The following RICTOR variants were observed in gnomAD, a reference collection of about 807,000 sequenced individuals.
RICTOR encodes the protein rapamycin-insensitive companion of mTOR.
A neutral mutation model predicts 214.9 loss-of-function variants in RICTOR; 49 were observed. The ratio of observed to expected loss-of-function variants is 0.23; its 90% CI spans 0.18 to 0.29. The LOEUF (loss-of-function observed/expected upper bound fraction) is 0.29. Ranked by LOEUF, RICTOR falls within the 10% of genes least tolerant of loss-of-function variation. RICTOR has a pLI of 1.00. For missense variants in RICTOR, 1,625 were observed against 2,047.0 expected (o/e 0.79, Z 3.98); for synonymous variants, 717 against 711.3 (o/e 1.01, Z -0.13).
intron 10 of RICTOR, among the ~76,000 whole-genome samples, chr5:38,972,633 T>G (rs1750878176): frequency 6.6e-6 from 1 of 152,050 alleles, no homozygotes; most frequent in Admixed American, 6.5e-5. Context: ...GCAGAACAAC[T>G]GGGAGTCACA....
At chr5:39,038,670 C>T (rs1252419333) in intron 2 of RICTOR, among the ~76,000 whole-genome samples, 1 of 152,160 alleles carries the variant, frequency 6.6e-6, no homozygotes, top group Non-Finnish European at 1.5e-5. Context: ...TTCTTATACA[C>T]CAATAACAGA....
rs79614495 is a variant in RICTOR, at chr5:39,043,018, T to C, written c.98-21882A>G. On this transcript the variant is annotated intron_variant, in intron 2 of 37. Transcript: ENST00000357387. The stretch of plus-strand genomic sequence containing the variant: ...GGAATTCATATACTGTTGGTGAGAA[T>C]GTATATTAGTAAGTACAGCCATTAT... Among the ~76,000 whole-genome samples, 875 of 152,244 alleles carry C rather than the reference T, an allele frequency of 5.7e-3. 14 individuals carry two copies. Among genetic ancestry groups the C allele is most frequent in the African/African-American group, 0.018 (767 of 41,534 alleles).
intron 19 of RICTOR, 72 bp downstream of exon 19, chr5:38,962,243 T>G: frequency 3.2e-6 from 2 of 615,418 alleles, no homozygotes; most frequent in Non-Finnish European, 5.6e-6. Flanking sequence ...TTATTACATA[T>G]TTTAGCAGGT....
chr5:38,948,956 T>C (rs1431327646), intron 31 of RICTOR, among the ~76,000 whole-genome samples: 1 of 152,070 alleles, frequency 6.6e-6, no homozygotes. Context: ...GTGCTTAATA[T>C]GTGCTAAAGT....
At chr5:38,962,412 C>T (rs1749871141) in intron 18 of RICTOR, 51 bp from the exon 19 acceptor site, 12 of 1,163,248 alleles carry the variant, frequency 1.0e-5, no homozygotes, top group Non-Finnish European at 1.5e-5. Context: ...AATTCTCACA[C>T]ATATAAGATA....
intron 2 of RICTOR, among the ~76,000 whole-genome samples, chr5:39,050,970 T>C (rs1757795538): frequency 6.6e-6 from 1 of 152,044 alleles, no homozygotes; most frequent in Non-Finnish European, 1.5e-5. Context: ...TCAATAGCAA[T>C]TCCTATATAT....
At chr5:38,952,510 C>A (rs1196339799) in intron 29 of RICTOR, 85 bp from the exon 30 acceptor site, 2 of 884,058 alleles carry the variant, frequency 2.3e-6, no homozygotes, top group Non-Finnish European at 3.4e-6. Context: ...GCTATACATA[C>A]TTTGAACTTT....
At chr5:39,061,382 C>T (rs1292360325) in intron 2 of RICTOR, among the ~76,000 whole-genome samples, 1 of 152,042 alleles carries the variant, frequency 6.6e-6, no homozygotes, top group Non-Finnish European at 1.5e-5. Flanking sequence ...CTGTGAATAA[C>T]CTACCCATGA....
chr5:38,958,969 CT>C, intron 22 of RICTOR, 138 bp from the exon 23 acceptor site: 2 of 702,074 alleles, frequency 2.8e-6, no homozygotes, highest in Non-Finnish European at 2.2e-6. Flanking sequence ...GATATGAATA[CT>C]TTTTTGGTTC....
chr5:38,944,159 T>G, intron 36 of RICTOR: 2 of 490,318 alleles, frequency 4.1e-6, no homozygotes, highest in South Asian at 3.3e-5. Context: ...TTTCCAAAAG[T>G]AAAAAAGTGA....
At chr5:39,011,330 G>T (rs946309978) in intron 3 of RICTOR, among the ~76,000 whole-genome samples, 1 of 152,220 alleles carries the variant, frequency 6.6e-6, no homozygotes, top group African/African-American at 2.4e-5. Context: ...GTATGAAAAT[G>T]CTTGCATGTC....
intron 6 of RICTOR, among the ~76,000 whole-genome samples, chr5:38,993,633 G>A (rs1169126746): frequency 6.6e-6 from 1 of 151,752 alleles, no homozygotes; most frequent in Non-Finnish European, 1.5e-5. Context: ...AAATATAATA[G>A]ACATACTTTT....
At chr5:38,992,152 C>T (rs1401300635) in intron 6 of RICTOR, among the ~76,000 whole-genome samples, 2 of 152,078 alleles carry the variant, frequency 1.3e-5, no homozygotes, top group Admixed American at 6.6e-5. Context: ...TTACAGAATA[C>T]AGTTCTACAA....
chr5:39,072,952 A>G (rs1039373810), intron 2 of RICTOR, among the ~76,000 whole-genome samples: 2 of 152,246 alleles, frequency 1.3e-5, no homozygotes, highest in Admixed American at 1.3e-4. Context: ...TTCAGTTTAT[A>G]AAACAGTAAT....
At chr5:39,016,673 T>C (rs577418347) in intron 3 of RICTOR, among the ~76,000 whole-genome samples, 2 of 152,028 alleles carry the variant, frequency 1.3e-5, no homozygotes, top group Admixed American at 6.6e-5. Flanking sequence ...GTTCAACAGA[T>C]TCCTAGAAAT....
At chr5:38,989,382 C>A (rs753787172) in intron 7 of RICTOR, among the ~76,000 whole-genome samples, 3 of 152,138 alleles carry the variant, frequency 2.0e-5, no homozygotes, top group East Asian at 1.9e-4. Flanking sequence ...GGATTAAAGA[C>A]CTACAACCAT....
chr5:38,949,747 C>T lies in RICTOR; in HGVS notation c.4101G>A (p.Lys1367=). The T allele has an allele frequency of 6.2e-7, 1 of 1,613,188 alleles. No homozygotes were observed. Among genetic ancestry groups the T allele is most frequent in the Non-Finnish European group, 8.5e-7 (1 of 1,179,444 alleles). The change falls in exon 31 of 38, where the codon AAG becomes AAA. Residue 1367 remains lysine (K), a synonymous_variant. Coordinates refer to ENST00000357387, the MANE Select transcript of RICTOR (RefSeq NM_152756.5). The part of the protein sequence containing the change: ...DVLFTDTITM[K]ANSFESRLTP... ...TTAATCTGGACTCAAAACTGTTGGC[C>T]TTCATGGTGATGGTATCAGTAAATA... is the stretch of plus-strand genomic sequence containing the variant.
chr5:39,001,027 C>T (rs1315345666), intron 5 of RICTOR, among the ~76,000 whole-genome samples: 1 of 151,950 alleles, frequency 6.6e-6, no homozygotes, highest in Non-Finnish European at 1.5e-5. Context: ...TGTAAATTCA[C>T]CCCAAATTAA....
At chr5:39,000,652 A>G in intron 5 of RICTOR, among the ~76,000 whole-genome samples, 1 of 152,012 alleles carries the variant, frequency 6.6e-6, no homozygotes, top group East Asian at 1.9e-4. Flanking sequence ...TAAGGTAAGA[A>G]AAAGATAAAG....
Sources: allele counts gnomAD v4.1 joint callset (sites outside exome capture counted in the v4.1 genomes callset), GRCh38; gene constraint gnomAD v4.1.1; transcripts MANE v1.5; gene names NCBI Gene and HGNC (gene_info 2026-07-23, HGNC 2026-07-21).